SEMA6D: variants seen among roughly 807,000 people sequenced by gnomAD.
SEMA6D encodes semaphorin-6D.
A neutral mutation model predicts 106.6 loss-of-function variants in SEMA6D; 35 were observed. The observed-to-expected ratio is 0.33, with a 90% confidence interval of 0.25 to 0.44. The LOEUF (loss-of-function observed/expected upper bound fraction) is 0.44. Ranked by LOEUF, SEMA6D falls within the 20% of genes least tolerant of loss-of-function variation. SEMA6D has a pLI of 1.00. For missense variants in SEMA6D, 1,185 were observed against 1,345.9 expected (o/e 0.88, Z 1.87); for synonymous variants, 499 against 487.7 (o/e 1.02, Z -0.31).
intron 1 of SEMA6D, among the ~76,000 whole-genome samples, chr15:47,193,650 G>GAAAAAC (rs898880818): frequency 5.3e-5 from 8 of 152,146 alleles, no homozygotes; most frequent in Middle Eastern, 3.4e-3. Context: ...GTATTTCTAT[G>GAAAAAC]AAAAACAAAA....
In SEMA6D at chr15:47,205,940, C is replaced by T. The variant is rs1895029532; in HGVS notation, c.-239+21522C>T. 2.2e-5 allele frequency among the ~76,000 whole-genome samples: 3 copies of T among 139,226 alleles called. No homozygotes were observed. In the South Asian group the frequency reaches 6.7e-4, roughly 31 times the overall value. The allele number at this position is 139,226 out of a possible 152,430, so 91.3% of individuals were successfully genotyped here. A position where few individuals can be genotyped will look rare whatever the true frequency, so the allele number is the denominator to read the frequency against. ...ATTTGAACAACATTTATTTATTTTG[C>T]CTTTCAGTTACACTTCTAAAATTAT... On this transcript the variant is annotated intron_variant, in intron 1 of 19. Transcript: ENST00000558014.
At chr15:47,436,208 G>A (rs1400777342) in intron 2 of SEMA6D, among the ~76,000 whole-genome samples, 1 of 151,968 alleles carries the variant, frequency 6.6e-6, no homozygotes, top group East Asian at 1.9e-4. Context: ...TGGCCAACGT[G>A]GTGAAACTCC....
intron 2 of SEMA6D, among the ~76,000 whole-genome samples, chr15:47,444,700 G>A (rs887044345): frequency 7.9e-5 from 12 of 152,086 alleles, no homozygotes. Context: ...ACAGGAATGG[G>A]AACACACAGA....
At chr15:47,294,040 T>G (rs748934801) in intron 1 of SEMA6D, among the ~76,000 whole-genome samples, 28 of 152,140 alleles carry the variant, frequency 1.8e-4, no homozygotes, top group Non-Finnish European at 3.7e-4. Flanking sequence ...TTTTTTTTGT[T>G]GTTGTTCACA....
chr15:47,294,308 C>T (rs2035718650), intron 1 of SEMA6D, among the ~76,000 whole-genome samples: 1 of 152,070 alleles, frequency 6.6e-6, no homozygotes, highest in Non-Finnish European at 1.5e-5. Flanking sequence ...ACTGCAACCT[C>T]TACCTCCCAG....
chr15:47,687,872 G>A (rs184304489), intron 4 of SEMA6D, among the ~76,000 whole-genome samples: 1 of 152,206 alleles, frequency 6.6e-6, no homozygotes, highest in East Asian at 1.9e-4. Flanking sequence ...GTACTGTTTA[G>A]GGAGATGAAA....
intron 1 of SEMA6D, among the ~76,000 whole-genome samples, chr15:47,341,636 CT>C (rs1439948988): frequency 3.9e-5 from 6 of 152,062 alleles, no homozygotes; most frequent in Non-Finnish European, 8.8e-5. Flanking sequence ...TGACTGAGTA[CT>C]TTTTTTAACT....
At chr15:47,288,606 G>T (rs1294704132) in intron 1 of SEMA6D, among the ~76,000 whole-genome samples, 1 of 152,114 alleles carries the variant, frequency 6.6e-6, no homozygotes, top group Non-Finnish European at 1.5e-5. Flanking sequence ...AATAAATACT[G>T]AATGGTTAAG....
intron 3 of SEMA6D, among the ~76,000 whole-genome samples, chr15:47,561,830 G>A (rs1046651136): frequency 2.6e-5 from 4 of 151,708 alleles, no homozygotes; most frequent in Non-Finnish European, 2.9e-5. Flanking sequence ...GCATGAGAGA[G>A]GAAGATATAT....
chr15:47,645,097 C>T (rs1032138665), intron 4 of SEMA6D, among the ~76,000 whole-genome samples: 1 of 152,120 alleles, frequency 6.6e-6, no homozygotes, highest in Admixed American at 6.6e-5. Context: ...CATGTGGGTG[C>T]CGGGGCGTCA....
intron 2 of SEMA6D, among the ~76,000 whole-genome samples, chr15:47,457,915 C>T (rs1238402402): frequency 6.6e-6 from 1 of 151,526 alleles, no homozygotes; most frequent in Non-Finnish European, 1.5e-5. Flanking sequence ...AAAAAAAAGT[C>T]GCAATGAATA....
intron 1 of SEMA6D, among the ~76,000 whole-genome samples, chr15:47,283,493 T>C (rs1382341945): frequency 6.6e-6 from 1 of 152,178 alleles, no homozygotes; most frequent in African/African-American, 2.4e-5. Flanking sequence ...TCCTGCCACT[T>C]TTCTTTCCAA....
At chr15:47,582,650 C>T (rs2076274621) in intron 3 of SEMA6D, among the ~76,000 whole-genome samples, 1 of 152,154 alleles carries the variant, frequency 6.6e-6, no homozygotes, top group Admixed American at 6.5e-5. Flanking sequence ...GCCTGCAGCC[C>T]TCCATGTCTC....
chr15:47,307,824 T>C (rs2036287275), intron 1 of SEMA6D, among the ~76,000 whole-genome samples: 1 of 152,226 alleles, frequency 6.6e-6, no homozygotes, highest in Non-Finnish European at 1.5e-5. Flanking sequence ...AGAATAGCAA[T>C]TATAGTAATT....
intron 1 of SEMA6D, among the ~76,000 whole-genome samples, chr15:47,735,831 G>A (rs2080416347): frequency 6.6e-6 from 1 of 152,198 alleles, no homozygotes; most frequent in African/African-American, 2.4e-5. Flanking sequence ...ACAGTATCAA[G>A]CCAATTAAGA....
In SEMA6D at chr15:47,761,338, C is replaced by G; in HGVS notation, c.354C>G (p.Cys118Trp). The change falls in exon 6 of 19, where the codon TGC (cysteine) becomes TGG (tryptophan). Residue 118 changes from cysteine (C) to tryptophan (W), a missense_variant. Cys to Trp is a radical substitution (Grantham distance 215, BLOSUM62 -2). This residue lies in a region of SEMA6D where 291 missense variants were observed against 423.8 expected (regional missense o/e 0.69). Transcript: ENST00000536845. Reference sequence around the variant, plus strand: ...ACTACTACTTTCTTTAGGATGAATGCCACAACTTTATCAAAGTATTTGTTC... The same window carrying G: ...ACTACTACTTTCTTTAGGATGAATGGCACAACTTTATCAAAGTATTTGTTC... ...CAMKGKHKDE[C>W]HNFIKVFVPR... is the part of the protein sequence containing the mutation. The G allele has an allele frequency of 6.2e-7, 1 of 1,612,610 alleles. No homozygotes were observed. Among genetic ancestry groups the G allele is most frequent in the African/African-American group, 1.3e-5 (1 of 74,974 alleles).
chr15:47,494,375 C>T lies in SEMA6D; in HGVS notation c.-87+23830C>T, dbSNP rs576950078. 9.9e-5 allele frequency among the ~76,000 whole-genome samples: 15 copies of T among 151,994 alleles called. No individual in the cohort carries two copies. In the South Asian group the frequency reaches 3.1e-3, roughly 32 times the overall value. ...AAGTGAAAATGTGTGTTATACAGAT[C>T]ACTGCTGTCTGTAAAACAGCTGATG... On this transcript the variant is annotated intron_variant, in intron 3 of 19. Coordinates refer to the SEMA6D transcript ENST00000558014.
chr15:47,704,172 G>C (rs1191911638), intron 4 of SEMA6D, among the ~76,000 whole-genome samples: 1 of 151,968 alleles, frequency 6.6e-6, no homozygotes, highest in Non-Finnish European at 1.5e-5. Flanking sequence ...TTTTTGTAGA[G>C]ATAAGGTCTT....
rs150769720 is a variant in SEMA6D at position 47,767,223 on chromosome 15, C to T, written c.1765+130C>T. 986 of 579,230 alleles carry T rather than the reference C, an allele frequency of 1.7e-3. 9 individuals are homozygous for T. Among genetic ancestry groups the T allele is most frequent in the African/African-American group, 0.016 (836 of 51,322 alleles). The allele number at this position is 579,230 out of a possible 1,614,324, so 35.9% of individuals were successfully genotyped here. On this transcript the variant is annotated intron_variant, in intron 17 of 18. Transcript: ENST00000536845. ...TTTTCCGCTTTGACTCATATTCCCA[C>T]TGATGGTACCAAAAGACTTTTCTTA...
Sources: allele counts gnomAD v4.1 joint callset (sites outside exome capture counted in the v4.1 genomes callset), GRCh38; gene constraint gnomAD v4.1.1; regional missense constraint gnomAD v4.1.1; transcripts MANE v1.5; gene names NCBI Gene and HGNC (gene_info 2026-07-23, HGNC 2026-07-21).